RBM20: variants seen among roughly 807,000 people sequenced by gnomAD.
The protein encoded by RBM20 is RNA binding motif protein 20.
A neutral mutation model predicts 110.1 loss-of-function variants in RBM20; 51 were observed. That is an observed-to-expected ratio of 0.46 (90% confidence interval 0.37 to 0.59). RBM20 has a LOEUF of 0.59. Among genes scored for constraint, RBM20 ranks in the 20% least tolerant of loss-of-function variants. The probability of loss-of-function intolerance (pLI) is 0.00; values close to 1 mark genes in which losing one functional copy is unlikely to be tolerated. For missense variants in RBM20, 1,512 were observed against 1,574.9 expected (o/e 0.96, Z 0.68); for synonymous variants, 589 against 618.2 (o/e 0.95, Z 0.70).
At chr10:110,647,250 C>T (rs997707084) in intron 1 of RBM20, among the ~76,000 whole-genome samples, 1 of 152,146 alleles carries the variant, frequency 6.6e-6, no homozygotes, top group Non-Finnish European at 1.5e-5. Flanking sequence ...ACACATGAAG[C>T]GTGATGACTA....
intron 1 of RBM20, among the ~76,000 whole-genome samples, chr10:110,733,412 CG>C (rs1452630817): frequency 6.6e-6 from 1 of 152,196 alleles, no homozygotes; most frequent in African/African-American, 2.4e-5. Flanking sequence ...GGAGGATTGA[CG>C]ATGTGGCTTC....
intron 7 of RBM20, among the ~76,000 whole-genome samples, chr10:110,804,052 G>C (rs78891384): frequency 0.013 from 1,958 of 152,228 alleles, 31 homozygotes; most frequent in Admixed American, 0.019. Flanking sequence ...GACCTCAGCA[G>C]CTCTTTCTCC....
Position 110,644,389 on chromosome 10 carries a change from C to G in RBM20, c.-66C>G. On this transcript the variant is annotated 5_prime_UTR_variant, in exon 1 of 14. Coordinates refer to ENST00000369519, the MANE Select transcript of RBM20 (RefSeq NM_001134363.3). This position sits in a 1 kb window ranked among gnomAD's most constrained non-coding sequence, Gnocchi z 4.3. The stretch of plus-strand genomic sequence containing the variant: ...GCACGGGGACCCCGGCCAGTGAGCG[C>G]CCGTGGCCCGGGACCGCCCCTCCCT... The G allele has an allele frequency of 1.5e-6, 2 of 1,302,706 alleles. No homozygotes were observed. Among genetic ancestry groups the G allele is most frequent in the South Asian group, 3.5e-5 (2 of 56,418 alleles). The allele number at this position is 1,302,706 out of a possible 1,614,324, so 80.7% of individuals were successfully genotyped here.
intron 1 of RBM20, among the ~76,000 whole-genome samples, chr10:110,653,621 A>G (rs1861981760): frequency 1.3e-5 from 2 of 149,974 alleles, no homozygotes; most frequent in South Asian, 4.2e-4. Context: ...ACAGGGTGCA[A>G]TCACAGCTCA....
At position 110,821,308 on chromosome 10, in the gene RBM20, G is replaced by C. The variant is rs982286757; in HGVS notation, c.2689G>C (p.Gly897Arg). 3.2e-6 allele frequency: 5 copies of C among 1,551,674 alleles called. No individual in the cohort carries two copies. Among genetic ancestry groups the C allele is most frequent in the East Asian group, 2.4e-5 (1 of 40,924 alleles). Reference sequence around the variant, plus strand: ...TTGGGAGAGTGAAAGTGAGGCAGAGGGGGAGAGCTGGTATCCCACTAACAT... The same window carrying C: ...TTGGGAGAGTGAAAGTGAGGCAGAGCGGGAGAGCTGGTATCCCACTAACAT... ...QDWESESEAE[G>R]ESWYPTNMEE... is the part of the protein sequence containing the mutation. The change falls in exon 11 of 14, where the codon GGG becomes CGG. Residue 897 changes from glycine (G) to arginine (R), a missense_variant. This residue lies in a region of RBM20 where 1,149 missense variants were observed against 1,169.4 expected (regional missense o/e 0.98). Transcript: ENST00000369519.
chr10:110,786,600 C>T (rs1306478940), intron 5 of RBM20, among the ~76,000 whole-genome samples: 3 of 152,254 alleles, frequency 2.0e-5, no homozygotes, highest in East Asian at 1.9e-4. Flanking sequence ...GCACTCTGCT[C>T]GCTCAGAGCC....
intron 7 of RBM20, among the ~76,000 whole-genome samples, chr10:110,808,523 G>A (rs4918594): frequency 0.46 from 70,005 of 151,984 alleles, 16,366 homozygotes; most frequent in East Asian, 0.56. Context: ...GCCCAGTGCT[G>A]AGTTCCTGGG....
At chr10:110,791,809 C>T (rs901181891) in intron 5 of RBM20, among the ~76,000 whole-genome samples, 1 of 152,120 alleles carries the variant, frequency 6.6e-6, no homozygotes, top group Admixed American at 6.5e-5. Context: ...GATGATTGTC[C>T]CTTTAGCTTG....
chr10:110,831,666 TAA>T (rs869203382), intron 13 of RBM20, among the ~76,000 whole-genome samples: 40 of 58,412 alleles, frequency 6.8e-4, no homozygotes, highest in African/African-American at 2.0e-3. Context: ...CTTGCTAGAA[TAA>T]AAAAAAAAAA....
chr10:110,744,595 A>T (rs1021564413), intron 1 of RBM20, among the ~76,000 whole-genome samples: 1 of 152,178 alleles, frequency 6.6e-6, no homozygotes, highest in African/African-American at 2.4e-5. Context: ...CTGGGGGTGG[A>T]TGCTAGTGAT....
At chr10:110,820,656 T>A (rs993530849) in intron 10 of RBM20, among the ~76,000 whole-genome samples, 3 of 152,218 alleles carry the variant, frequency 2.0e-5, no homozygotes, top group African/African-American at 7.2e-5. Flanking sequence ...GGGCTGGAGC[T>A]GCCACAACAA....
chr10:110,681,963 C>T (rs572458887), intron 1 of RBM20, among the ~76,000 whole-genome samples: 1 of 152,002 alleles, frequency 6.6e-6, no homozygotes, highest in Non-Finnish European at 1.5e-5. Context: ...GATCTTGGCT[C>T]ACTGCAACCT....
At chr10:110,809,477 A>T (rs1034891652) in intron 7 of RBM20, among the ~76,000 whole-genome samples, 18 of 152,068 alleles carry the variant, frequency 1.2e-4, no homozygotes, top group African/African-American at 4.3e-4. Flanking sequence ...TTTTGTGCTT[A>T]TGAATTTCTT....
intron 4 of RBM20, 112 bp downstream of exon 4, chr10:110,784,544 G>T (rs903671635): frequency 1.2e-6 from 1 of 850,014 alleles, no homozygotes; most frequent in Non-Finnish European, 1.9e-6. Context: ...TCTCACGGAT[G>T]TAGAAAGCAA....
chr10:110,673,979 TCTGAGGGTGTATCTTC>T (rs1218009462), intron 1 of RBM20, among the ~76,000 whole-genome samples: 1 of 152,170 alleles, frequency 6.6e-6, no homozygotes, highest in Non-Finnish European at 1.5e-5. Context: ...CCTTTGGCAG[TCTGAGGGTGTATCTTC>T]CTGAGGCAAG....
At chr10:110,780,627 T>G (rs1844324640) in intron 1 of RBM20, among the ~76,000 whole-genome samples, 174 bp from the exon 2 acceptor site, 1 of 152,008 alleles carries the variant, frequency 6.6e-6, no homozygotes, top group African/African-American at 2.4e-5. Flanking sequence ...GGAGTTTTTT[T>G]TTTTTTTTTT....
chr10:110,745,758 A>G (rs1436573269), intron 1 of RBM20, among the ~76,000 whole-genome samples: 1 of 152,154 alleles, frequency 6.6e-6, no homozygotes, highest in African/African-American at 2.4e-5. Flanking sequence ...GCGTGATAAC[A>G]TGTGAGGAGG....
intron 1 of RBM20, among the ~76,000 whole-genome samples, chr10:110,654,636 C>T (rs1173624327): frequency 1.3e-5 from 2 of 151,908 alleles, no homozygotes; most frequent in Admixed American, 1.3e-4. Flanking sequence ...CAGTGACTAG[C>T]AGTTTGTTCA....
intron 1 of RBM20, among the ~76,000 whole-genome samples, chr10:110,691,758 A>C (rs1278028734): frequency 2.6e-5 from 4 of 152,154 alleles, no homozygotes; most frequent in African/African-American, 9.7e-5. Flanking sequence ...CCTTTAATGC[A>C]TGAAAGTTTT....
Sources: allele counts gnomAD v4.1 joint callset (sites outside exome capture counted in the v4.1 genomes callset), GRCh38; gene constraint gnomAD v4.1.1; regional missense constraint gnomAD v4.1.1; non-coding constraint Gnocchi (gnomAD v3.1); transcripts MANE v1.5; gene names NCBI Gene and HGNC (gene_info 2026-07-23, HGNC 2026-07-21).